Variants in ERV3-1 observed in about 807,000 individuals in gnomAD.
The protein encoded by ERV3-1 is endogenous retrovirus group 3 member 1, envelope.
A neutral mutation model predicts 24.6 loss-of-function variants in ERV3-1; 36 were observed. That is an observed-to-expected ratio of 1.47 (90% CI 1.12 to 1.94). The LOEUF is 1.94. Among genes scored for constraint, ERV3-1 ranks in the 30% most tolerant of loss-of-function variants. The pLI is 0.00. For missense variants in ERV3-1, 578 were observed against 330.9 expected, an observed-to-expected ratio of 1.75 and a Z score of -5.79; for synonymous variants, 211 against 122.6, an observed-to-expected ratio of 1.72 and a Z score of -4.76.
intron 1 of ERV3-1, among the ~76,000 whole-genome samples, chr7:64,995,118 G>C (rs1786379170): frequency 6.6e-6 from 1 of 152,216 alleles, no homozygotes; most frequent in Non-Finnish European, 1.5e-5. Flanking sequence ...GGAGCCCTTG[G>C]TATCAAGTCA....
At chr7:65,006,481 TC>T in intron 1 of ERV3-1, 59 bp downstream of exon 1, 1 of 1,560,402 alleles carries the variant, frequency 6.4e-7, no homozygotes. Flanking sequence ...CACAGCCACT[TC>T]CCACCAGTTC....
rs1195007569 is a variant in ERV3-1 at position 65,006,618 on chromosome 7, C to A, written c.-466G>T. ...CCTGCAGGTAACGAGGCCACAGAAGCTGGGCCTCTAGGAGCAGAAGACACA... is the reference window on the plus strand; with the variant it reads ...CCTGCAGGTAACGAGGCCACAGAAGATGGGCCTCTAGGAGCAGAAGACACA... On this transcript the variant is annotated 5_prime_UTR_variant, in exon 1 of 2. Transcript: ENST00000394323. 1 of 1,555,090 alleles carries A rather than the reference C, an allele frequency of 6.4e-7. No homozygotes were observed. Among genetic ancestry groups the A allele is most frequent in the East Asian group, 2.3e-5 (1 of 44,434 alleles).
At chr7:64,994,361 C>T (rs1232480598) in intron 1 of ERV3-1, among the ~76,000 whole-genome samples, 1 of 152,184 alleles carries the variant, frequency 6.6e-6, no homozygotes, top group Non-Finnish European at 1.5e-5. Flanking sequence ...TGGCCGACCT[C>T]CCATCAGAAA....
intron 1 of ERV3-1, among the ~76,000 whole-genome samples, chr7:64,994,572 G>A (rs1037507058): frequency 3.3e-5 from 5 of 152,046 alleles, no homozygotes; most frequent in South Asian, 2.1e-4. Context: ...TGCCTCTGAC[G>A]TCCCTGCCCT....
rs977783030 is a variant in ERV3-1 at position 64,991,704 on chromosome 7, T to A, written c.1323A>T (p.Thr441=). 2 of 755,848 alleles carry A rather than the reference T, an allele frequency of 2.6e-6. No homozygotes were observed. The highest frequency in any genetic ancestry group is 4.8e-6 in the Non-Finnish European group (2 of 412,952). 46.8% of individuals were successfully genotyped at this position (755,848 alleles called of 1,614,324 possible). ...GCATTAGGAAGAAGGACGGCCTAAT[T>A]GTCCCCAGTACACAGGCCCCTGACC... ...AKWSGACVLG[T]IRPSFFLMPL... The change falls in exon 2 of 2, where the codon ACA becomes ACT. Residue 441 remains threonine, a synonymous_variant. Coordinates refer to ENST00000394323, the MANE Select transcript of ERV3-1 (RefSeq NM_001007253.4).
In ERV3-1 at chr7:64,992,288, A is replaced by T. The variant is rs761477120; in HGVS notation, c.739T>A (p.Ser247Thr). The T allele has an allele frequency of 5.2e-6, 4 of 766,288 alleles. No individual in the cohort carries two copies. In the Admixed American group the frequency reaches 6.8e-5, roughly 13 times the overall value. The allele number at this position is 766,288 out of a possible 1,614,324, so 47.5% of individuals were successfully genotyped here. ...LYIIKKTRTR[S>T]TQQFRVFESF... ...TCAAAAACTCGGAACTGTTGGGTTG[A>T]GCGGGTCCGAGTTTTCTTTATGATA... Residue 247 changes from serine to threonine, a missense_variant, in exon 2 of 2, where the codon TCA (serine) becomes ACA (threonine). Ser to Thr is a moderately conservative substitution (Grantham distance 58). Transcript: ENST00000394323.
intron 1 of ERV3-1, among the ~76,000 whole-genome samples, chr7:65,005,760 A>T (rs1786632561): frequency 6.6e-6 from 1 of 152,180 alleles, no homozygotes; most frequent in African/African-American, 2.4e-5. Context: ...GGAGTGTGAA[A>T]ATAATTAAGT....
At chr7:65,003,545 G>A (rs1786568356) in intron 1 of ERV3-1, 1 of 152,136 alleles carries the variant, frequency 6.6e-6, no homozygotes, top group Non-Finnish European at 1.5e-5. Context: ...CATTAGCTTG[G>A]GGTCACTGGG....
intron 1 of ERV3-1, among the ~76,000 whole-genome samples, chr7:64,995,553 A>G (rs1463881413): frequency 6.6e-6 from 1 of 152,126 alleles, no homozygotes; most frequent in African/African-American, 2.4e-5. Context: ...TATAAGTGAG[A>G]AATTTGGGAT....
chr7:64,992,014 G>T lies in ERV3-1; in HGVS notation c.1013C>A (p.Thr338Asn), dbSNP rs763307801. 1.3e-6 allele frequency: 1 copy of T among 766,430 alleles called. No homozygotes were observed. Among genetic ancestry groups the T allele is most frequent in the South Asian group, 1.3e-5 (1 of 74,620 alleles). 47.5% of individuals were successfully genotyped at this position (766,430 alleles called of 1,614,324 possible). A position where few individuals can be genotyped will look rare whatever the true frequency, so the allele number is the denominator to read the frequency against. Reference protein sequence around the residue: ...PSSQSIWFLKTSIIGKFCIAR... With the variant: ...PSSQSIWFLKNSIIGKFCIAR... ...AATACAGAATTTTCCAATAATGGAG[G>T]TTTTTAAGAACCAGATGCTCTGACT... Residue 338 changes from threonine to asparagine, a missense_variant, in exon 2 of 2, where the codon ACC (threonine) becomes AAC (asparagine). By Grantham distance (65) the Thr-to-Asn change is moderately conservative. Coordinates refer to ENST00000394323, the MANE Select transcript of ERV3-1 (RefSeq NM_001007253.4).
chr7:65,003,259 A>C (rs988078842), intron 1 of ERV3-1, among the ~76,000 whole-genome samples: 1 of 152,190 alleles, frequency 6.6e-6, no homozygotes, highest in African/African-American at 2.4e-5. Flanking sequence ...GAGACCAAGG[A>C]TCACCTGAGG....
chr7:64,997,334 G>A (rs886427536), intron 1 of ERV3-1, among the ~76,000 whole-genome samples: 25 of 152,124 alleles, frequency 1.6e-4, no homozygotes, highest in Non-Finnish European at 2.8e-4. Flanking sequence ...TGCAGCTTTC[G>A]CCTGATGTCT....
chr7:64,996,947 T>A (rs1455340315), intron 1 of ERV3-1, among the ~76,000 whole-genome samples: 5 of 152,236 alleles, frequency 3.3e-5, no homozygotes, highest in African/African-American at 1.2e-4. Context: ...CCTGATCAAG[T>A]AGGTATCTGA....
intron 1 of ERV3-1, among the ~76,000 whole-genome samples, chr7:64,999,028 GT>G (rs1354427216): frequency 6.6e-6 from 1 of 152,158 alleles, no homozygotes; most frequent in African/African-American, 2.4e-5. Context: ...CCCCTCTCAT[GT>G]CCTGAGTCGG....
chr7:65,003,460 A>G (rs1226562497), intron 1 of ERV3-1, among the ~76,000 whole-genome samples: 2 of 152,190 alleles, frequency 1.3e-5, no homozygotes, highest in Non-Finnish European at 2.9e-5. Flanking sequence ...CAGCCTGGGC[A>G]ACAGAGCAAG....
In ERV3-1 at chr7:64,990,585, T is replaced by C. The variant is rs1786242279; in HGVS notation, c.*627A>G. ...TACAACAGGATTTGCAACATGAGCC[T>C]ACCTTACTTAAACATGTCTTGTGAC... On this transcript the variant is annotated 3_prime_UTR_variant, in exon 2 of 2. Transcript: ENST00000394323. 1 of 152,310 alleles carries C rather than the reference T, an allele frequency of 6.6e-6. No individual in the cohort carries two copies. Among genetic ancestry groups the C allele is most frequent in the Non-Finnish European group, 1.5e-5 (1 of 68,086 alleles). 9.4% of individuals were successfully genotyped at this position (152,310 alleles called of 1,614,324 possible).
At chr7:65,001,361 G>A (rs1584069554) in intron 1 of ERV3-1, among the ~76,000 whole-genome samples, 1 of 152,212 alleles carries the variant, frequency 6.6e-6, no homozygotes, top group East Asian at 1.9e-4. Context: ...GGTTGCTGCT[G>A]CAGATTCAGT....
rs1307584354 is a variant in ERV3-1, at chr7:64,998,302, C to T, written c.-388-4888G>A. Among the ~76,000 whole-genome samples, 6 of 152,168 alleles carry T rather than the reference C, an allele frequency of 3.9e-5. No individual in the cohort carries two copies. The East Asian group carries it at 1.2e-3, about 29-fold the overall frequency. ...TTTTGCAATAAGAAGCCAGGCAAGG[C>T]TGCAGCCATGCAGGTTGAGTTTGAA... is the stretch of plus-strand genomic sequence containing the variant. On this transcript the variant is annotated intron_variant, in intron 1 of 1. Coordinates refer to ENST00000394323, the MANE Select transcript of ERV3-1 (RefSeq NM_001007253.4).
intron 1 of ERV3-1, 89 bp from the exon 2 acceptor site, chr7:64,993,503 A>G (rs1199960923): frequency 6.4e-6 from 1 of 156,454 alleles, no homozygotes; most frequent in Non-Finnish European, 1.4e-5. Context: ...TTTTGACCCA[A>G]AGAGAGTCCC....
Sources: gnomAD v4.1 joint callset for allele counts (sites outside exome capture counted in the v4.1 genomes callset) on GRCh38, gnomAD v4.1.1 for gene constraint, MANE v1.5 for transcripts, NCBI Gene and HGNC (gene_info 2026-07-23, HGNC 2026-07-21) for gene names.